KLHL29: variants seen among roughly 807,000 people sequenced by gnomAD.
KLHL29 encodes the protein kelch like family member 29, also known as kelch-like protein 29.
A neutral mutation model predicts 80.4 loss-of-function variants in KLHL29; 21 were observed. That is an observed-to-expected ratio of 0.26 (90% CI 0.19 to 0.38). The LOEUF is 0.38. KLHL29 is among the 10% of genes least tolerant of loss of function. The probability of loss-of-function intolerance (pLI) is 1.00; values close to 1 mark genes in which losing one functional copy is unlikely to be tolerated. For synonymous variants in KLHL29, 511 were observed against 526.8 expected (o/e 0.97, Z 0.41); for missense variants, 867 against 1,223.9 (o/e 0.71, Z 4.35).
chr2:23,492,310 C>T (rs549880691), intron 2 of KLHL29, among the ~76,000 whole-genome samples: 1 of 152,208 alleles, frequency 6.6e-6, no homozygotes, highest in Non-Finnish European at 1.5e-5. Context: ...GCACACTGTT[C>T]ATGCCTCTAG....
At chr2:23,429,139 T>G (rs574064310) in intron 1 of KLHL29, among the ~76,000 whole-genome samples, 32 of 152,228 alleles carry the variant, frequency 2.1e-4, no homozygotes, top group Non-Finnish European at 3.7e-4. Flanking sequence ...CTTGGGTACA[T>G]ATGTTCACAT....
intron 2 of KLHL29, among the ~76,000 whole-genome samples, chr2:23,521,061 C>T (rs1447043112): frequency 6.6e-6 from 1 of 151,196 alleles, no homozygotes; most frequent in Non-Finnish European, 1.5e-5. Flanking sequence ...TTACCCCAAG[C>T]TACGTACATA....
At chr2:23,532,257 T>C (rs1430398221) in intron 2 of KLHL29, among the ~76,000 whole-genome samples, 1 of 152,240 alleles carries the variant, frequency 6.6e-6, no homozygotes, top group Non-Finnish European at 1.5e-5. Context: ...CTGAATTTGA[T>C]GAAGTGCATT....
intron 1 of KLHL29, among the ~76,000 whole-genome samples, chr2:23,391,698 G>T (rs1666326112): frequency 6.6e-6 from 1 of 152,112 alleles, no homozygotes; most frequent in Non-Finnish European, 1.5e-5. Flanking sequence ...GCCTCCCAAA[G>T]TTCACTCTGG....
intron 1 of KLHL29, among the ~76,000 whole-genome samples, chr2:23,460,639 A>C (rs1052621614): frequency 2.6e-5 from 4 of 152,128 alleles, no homozygotes; most frequent in Non-Finnish European, 5.9e-5. Context: ...GATGAGGGAC[A>C]GACAAGACAG....
intron 2 of KLHL29, among the ~76,000 whole-genome samples, chr2:23,547,434 C>A (rs1667005571): frequency 6.6e-6 from 1 of 152,086 alleles, no homozygotes; most frequent in African/African-American, 2.4e-5. Context: ...TTTGTGGCCC[C>A]ACAGGTCACT....
chr2:23,502,527 G>A (rs1361906842), intron 2 of KLHL29, among the ~76,000 whole-genome samples: 2 of 152,214 alleles, frequency 1.3e-5, no homozygotes, highest in Admixed American at 6.5e-5. Flanking sequence ...CCTGGCAGAG[G>A]GCAGAGACGG....
intron 2 of KLHL29, among the ~76,000 whole-genome samples, chr2:23,550,606 T>C (rs952955804): frequency 1.3e-5 from 2 of 152,234 alleles, no homozygotes; most frequent in African/African-American, 4.8e-5. Flanking sequence ...TAATATCCTG[T>C]CACAGGCAGT....
chr2:23,537,908 C>T (rs939435440), intron 2 of KLHL29, among the ~76,000 whole-genome samples: 1 of 152,152 alleles, frequency 6.6e-6, no homozygotes, highest in African/African-American at 2.4e-5. Flanking sequence ...CCACAGCCTT[C>T]ATGACAGTAG....
chr2:23,574,758 G>T (rs1667800521), intron 3 of KLHL29, among the ~76,000 whole-genome samples: 2 of 152,184 alleles, frequency 1.3e-5, no homozygotes, highest in Admixed American at 1.3e-4. Flanking sequence ...ATGAATGAAT[G>T]AATACCCACC....
At chr2:23,613,344 G>A (rs1668915923) in intron 3 of KLHL29, among the ~76,000 whole-genome samples, 1 of 152,096 alleles carries the variant, frequency 6.6e-6, no homozygotes, top group Non-Finnish European at 1.5e-5. Context: ...GGTATAGAAA[G>A]ATTAAAGGGA....
At chr2:23,504,778 G>A (rs1230968779) in intron 2 of KLHL29, among the ~76,000 whole-genome samples, 2 of 152,262 alleles carry the variant, frequency 1.3e-5, no homozygotes, top group Admixed American at 6.5e-5. Context: ...GCACAAGCCA[G>A]GAGCCGTGGC....
chr2:23,432,232 T>A (rs946359752), intron 1 of KLHL29, among the ~76,000 whole-genome samples: 2 of 152,234 alleles, frequency 1.3e-5, no homozygotes, highest in Non-Finnish European at 2.9e-5. Context: ...GGTTGAAAAA[T>A]CTAATTCGTC....
At chr2:23,415,157 CA>C in intron 1 of KLHL29, among the ~76,000 whole-genome samples, 1 of 152,316 alleles carries the variant, frequency 6.6e-6, no homozygotes, top group East Asian at 1.9e-4. Flanking sequence ...TCCTATGGGT[CA>C]CCAGTTTCTG....
chr2:23,413,289 C>G (rs1209200983), intron 1 of KLHL29, among the ~76,000 whole-genome samples: 1 of 148,422 alleles, frequency 6.7e-6, no homozygotes, highest in Admixed American at 6.7e-5. Flanking sequence ...ATGAGCTGAT[C>G]TCCATGCTGA....
chr2:23,404,104 A>C (rs998754007), intron 1 of KLHL29, among the ~76,000 whole-genome samples: 2 of 152,218 alleles, frequency 1.3e-5, no homozygotes, highest in Non-Finnish European at 2.9e-5. Context: ...AATGAGGAAG[A>C]AACTTTCTGT....
At chr2:23,391,243 A>C (rs959929536) in intron 1 of KLHL29, among the ~76,000 whole-genome samples, 1 of 152,034 alleles carries the variant, frequency 6.6e-6, no homozygotes, top group African/African-American at 2.4e-5. Flanking sequence ...CTTCCTTTTT[A>C]AGGTTGAATA....
intron 1 of KLHL29, among the ~76,000 whole-genome samples, chr2:23,394,911 G>A (rs1480283516): frequency 1.3e-5 from 2 of 152,178 alleles, no homozygotes. Flanking sequence ...TTGGATCTAC[G>A]AAGATTAAAT....
intron 2 of KLHL29, among the ~76,000 whole-genome samples, chr2:23,485,622 A>T (rs951651664): frequency 5.3e-5 from 8 of 152,198 alleles, no homozygotes; most frequent in Admixed American, 3.3e-4. Context: ...CCATGTTTAG[A>T]AAGGTATGTT....
Sources: allele counts gnomAD v4.1 joint callset (sites outside exome capture counted in the v4.1 genomes callset), GRCh38; gene constraint gnomAD v4.1.1; transcripts MANE v1.5; gene names NCBI Gene and HGNC (gene_info 2026-07-23, HGNC 2026-07-21).